Variants in STUB1 observed in about 807,000 individuals in gnomAD.
STUB1 encodes the protein STIP1 homology and U-box containing protein 1, also known as E3 ubiquitin-protein ligase CHIP.
STUB1 carries 37 observed loss-of-function variants against 40.3 expected under a neutral mutation model. The ratio of observed to expected loss-of-function variants is 0.92; its 90% CI spans 0.71 to 1.21. The LOEUF (loss-of-function observed/expected upper bound fraction) is 1.21. Ranked by LOEUF, STUB1 falls within the 50% of genes most tolerant of loss-of-function variation. The pLI, the probability that STUB1 is intolerant of heterozygous loss-of-function variation, is 0.00. For missense variants in STUB1, 460 were observed against 421.9 expected, an observed-to-expected ratio of 1.09 and a Z score of -0.79; for synonymous variants, 246 against 171.9, an observed-to-expected ratio of 1.43 and a Z score of -3.37.
chr16:681,293 G>A lies in STUB1; in HGVS notation c.301G>A (p.Gly101Arg). 1 of 1,612,922 alleles carries A rather than the reference G, an allele frequency of 6.2e-7. No individual in the cohort carries two copies. The highest frequency in any genetic ancestry group is 8.5e-7 in the Non-Finnish European group (1 of 1,179,996). ...GTCTGTGAAGGCGCACTTCTTCCTGGGGCAGTGCCAGCTGGAGATGGAGAG... is the reference window on the plus strand; with the variant it reads ...GTCTGTGAAGGCGCACTTCTTCCTGAGGCAGTGCCAGCTGGAGATGGAGAG... ...GQSVKAHFFL[G>R]QCQLEMESYD... Residue 101 changes from glycine to arginine, a missense_variant, in exon 2 of 7, where the codon GGG (glycine) becomes AGG (arginine). Transcript: ENST00000219548.
chr16:680,825 A>G lies in STUB1; in HGVS notation c.159+141A>G. 1.3e-6 allele frequency: 1 copy of G among 790,564 alleles called. No individual in the cohort carries two copies. Among genetic ancestry groups the G allele is most frequent in the Non-Finnish European group, 1.6e-6 (1 of 612,608 alleles). 49.0% of individuals were successfully genotyped at this position (790,564 alleles called of 1,614,324 possible). On this transcript the variant is annotated intron_variant, in intron 1 of 6. Coordinates refer to ENST00000219548, the MANE Select transcript of STUB1 (RefSeq NM_005861.4). The surrounding 1 kb of genome is among the most constrained non-coding windows in gnomAD (Gnocchi z 4.9). ...AAGCCCAGCCGTGGTTCTCGAGCCCAGCGCCGGGTGCCGGAGAACGAGGGT... is the reference window on the plus strand; with the variant it reads ...AAGCCCAGCCGTGGTTCTCGAGCCCGGCGCCGGGTGCCGGAGAACGAGGGT...
chr16:682,511 T>C lies in STUB1; in HGVS notation c.*22T>C, dbSNP rs914836774. On this transcript the variant is annotated 3_prime_UTR_variant, in exon 7 of 7. Coordinates refer to ENST00000219548, the MANE Select transcript of STUB1 (RefSeq NM_005861.4). ...CTGAGGTTCCCTGCCCTACCTGGCG[T>C]CCTGGTCCAGGGGAGCCCTGGGCAG... The C allele has an allele frequency of 4.6e-5, 74 of 1,612,706 alleles. No homozygotes were observed. In the East Asian group the frequency reaches 1.6e-3, roughly 34 times the overall value.
Position 682,379 on chromosome 16 carries a change from G to T in STUB1, c.802G>T (p.Asp268Tyr). 1 of 1,613,186 alleles carries T rather than the reference G, an allele frequency of 6.2e-7. No individual in the cohort carries two copies. Among genetic ancestry groups the T allele is most frequent in the South Asian group, 1.1e-5 (1 of 91,072 alleles). The change falls in exon 7 of 7, where the codon GAC becomes TAC. Residue 268 changes from aspartate (D) to tyrosine (Y), a missense_variant. Coordinates refer to ENST00000219548, the MANE Select transcript of STUB1 (RefSeq NM_005861.4). The part of the protein sequence containing the change: ...EEHLQRVGHF[D>Y]PVTRSPLTQE... ...GTCACTGCAGCGTGTGGGTCATTTTGACCCCGTGACCCGGAGCCCCCTGAC... is the reference window on the plus strand; with the variant it reads ...GTCACTGCAGCGTGTGGGTCATTTTTACCCCGTGACCCGGAGCCCCCTGAC...
chr16:681,754 G>A (rs2039663437), intron 3 of STUB1, 39 bp from the exon 4 acceptor site: 16 of 1,564,982 alleles, frequency 1.0e-5, no homozygotes, highest in African/African-American at 1.3e-5. Context: ...CAGACATCTG[G>A]CCAGGTCCAT....
chr16:682,545 G>A lies in STUB1; in HGVS notation c.*56G>A, dbSNP rs199785249. 783 of 1,607,710 alleles carry A rather than the reference G, an allele frequency of 4.9e-4. 13 individuals are homozygous for A. The South Asian group carries it at 6.5e-3, about 13-fold the overall frequency. Reference sequence around the variant, plus strand: ...AGGGGAGCCCTGGGCAGAAGCCCCCGGCCCCTATACATAGTTTATGTTCCT... The same window carrying A: ...AGGGGAGCCCTGGGCAGAAGCCCCCAGCCCCTATACATAGTTTATGTTCCT... On this transcript the variant is annotated 3_prime_UTR_variant, in exon 7 of 7. Coordinates refer to ENST00000219548, the MANE Select transcript of STUB1 (RefSeq NM_005861.4).
Position 682,617 on chromosome 16 carries a change from T to C in STUB1, c.*128T>C, listed in dbSNP as rs1195224304. 8.2e-6 allele frequency: 12 copies of C among 1,460,344 alleles called. No homozygotes were observed. In the East Asian group the frequency reaches 2.1e-4, roughly 25 times the overall value. The allele number at this position is 1,460,344 out of a possible 1,614,324, so 90.5% of individuals were successfully genotyped here. ...CAAGTTCTGCTGTTGGACTCTGGAC[T>C]GTTTCCCCTCTCAGCATCGCTTTTG... On this transcript the variant is annotated 3_prime_UTR_variant, in exon 7 of 7. Transcript: ENST00000219548.
rs774032607 is a variant in STUB1 at position 681,110 on chromosome 16, G to C, written c.160-42G>C. 3.9e-4 allele frequency: 594 copies of C among 1,526,342 alleles called. 1 individual carries two copies. The highest frequency in any genetic ancestry group is 4.7e-4 in the Non-Finnish European group (534 of 1,130,206). The allele number at this position is 1,526,342 out of a possible 1,614,324, so 94.5% of individuals were successfully genotyped here. A position where few individuals can be genotyped will look rare whatever the true frequency, so the allele number is the denominator to read the frequency against. On this transcript the variant is annotated intron_variant, in intron 1 of 6. Coordinates refer to ENST00000219548, the MANE Select transcript of STUB1 (RefSeq NM_005861.4). Reference sequence around the variant, plus strand: ...GGCCGTGGGTCAGAGTGGGCACGCTGAGCCTACGCCCTCATGCGGCTGGCC... The same window carrying C: ...GGCCGTGGGTCAGAGTGGGCACGCTCAGCCTACGCCCTCATGCGGCTGGCC...
Position 682,185 on chromosome 16 carries a change from C to A in STUB1, c.690C>A (p.Tyr230Ter), listed in dbSNP as rs1185371126. 1 of 1,609,584 alleles carries A rather than the reference C, an allele frequency of 6.2e-7. No individual in the cohort carries two copies. Among genetic ancestry groups the A allele is most frequent in the Admixed American group, 1.7e-5 (1 of 59,952 alleles). ...CACAGAAGCGAGACATCCCCGACTA[C>A]CTGTGTGGCAAGATCAGCTTTGAGC... ...EKRKKRDIPD[Y>*]LCGKISFELM... The change falls in exon 6 of 7, where the codon TAC (tyrosine) becomes TAA (stop). Residue 230 changes from tyrosine to a stop codon, truncating the protein, a stop_gained. Transcript: ENST00000219548. LOFTEE classifies it high-confidence loss of function.
chr16:681,113 C>T (rs1007315861), intron 1 of STUB1, 39 bp from the exon 2 acceptor site: 2 of 1,532,180 alleles, frequency 1.3e-6, no homozygotes, highest in Non-Finnish European at 1.8e-6. Context: ...GCACGCTGAG[C>T]CTACGCCCTC....
At position 682,469 on chromosome 16, in the gene STUB1, G is replaced by A; in HGVS notation, c.892G>A (p.Gly298Ser). The change falls in exon 7 of 7, where the codon GGC (glycine) becomes AGC (serine). Residue 298 changes from glycine to serine, a missense_variant. Gly to Ser is a moderately conservative substitution (Grantham distance 56). Transcript: ENST00000219548. ...TATTGACGCATTCATCTCTGAGAAT[G>A]GCTGGGTGGAGGACTACTGAGGTTC... ...EVIDAFISENGWVEDY is the reference protein window; with the variant it reads ...EVIDAFISENSWVEDY 6 of 1,613,404 alleles carry A rather than the reference G, an allele frequency of 3.7e-6. No homozygotes were observed. The highest frequency in any genetic ancestry group is 5.1e-6 in the Non-Finnish European group (6 of 1,180,016).
chr16:682,462 T>C lies in STUB1; in HGVS notation c.885T>C (p.Ser295=), dbSNP rs778105884. ...AGGAGGTTATTGACGCATTCATCTCTGAGAATGGCTGGGTGGAGGACTACT... is the reference window on the plus strand; with the variant it reads ...AGGAGGTTATTGACGCATTCATCTCCGAGAATGGCTGGGTGGAGGACTACT... ...AMKEVIDAFI[S]ENGWVEDY Residue 295 remains serine, a synonymous_variant, in exon 7 of 7, where the codon TCT becomes TCC. Transcript: ENST00000219548. The C allele has an allele frequency of 1.2e-6, 2 of 1,613,436 alleles. No individual in the cohort carries two copies. Among genetic ancestry groups the C allele is most frequent in the South Asian group, 1.1e-5 (1 of 91,088 alleles).
Position 680,437 on chromosome 16 carries a change from C to G in STUB1, c.-89C>G. ...AGCTGGGCCGGGCCCGAGCGGATCG[C>G]GGGCTCGGGCTGCGGGGCTCCGGCT... On this transcript the variant is annotated 5_prime_UTR_variant, in exon 1 of 7. Transcript: ENST00000219548. The surrounding 1 kb of genome is among the most constrained non-coding windows in gnomAD (Gnocchi z 4.9). 5.3e-5 allele frequency: 59 copies of G among 1,108,496 alleles called. No homozygotes were observed. The highest frequency in any genetic ancestry group is 6.6e-5 in the Non-Finnish European group (59 of 899,956). The allele number at this position is 1,108,496 out of a possible 1,614,324, so 68.7% of individuals were successfully genotyped here.
rs191288334 is a variant in STUB1 at position 681,789 on chromosome 16, C to G, written c.525-4C>G. 1.8e-5 allele frequency: 28 copies of G among 1,593,036 alleles called. No individual in the cohort carries two copies. Among genetic ancestry groups the G allele is most frequent in the Non-Finnish European group, 2.4e-5 (28 of 1,166,160 alleles). On this transcript the variant is annotated splice_polypyrimidine_tract_variant and splice_region_variant and intron_variant, in intron 3 of 6. Transcript: ENST00000219548. ...TCTCTGACCGGCTCCTGGTCAACCC[C>G]CAGGGAGCTGGAAGAGTGCCAGCGA...
Position 682,649 on chromosome 16 carries a change from C to T in STUB1, c.*160C>T, listed in dbSNP as rs1204519665. On this transcript the variant is annotated 3_prime_UTR_variant, in exon 7 of 7. Transcript: ENST00000219548. The stretch of plus-strand genomic sequence containing the variant: ...CCTCTCAGCATCGCTTTTGCTGGGC[C>T]GTGATCGTCCCCCTTTGTGGGCTGG... The T allele has an allele frequency of 1.1e-5, 16 of 1,404,214 alleles. No individual in the cohort carries two copies. The highest frequency in any genetic ancestry group is 2.7e-5 in the South Asian group (2 of 75,218). The allele number at this position is 1,404,214 out of a possible 1,614,324, so 87.0% of individuals were successfully genotyped here.
chr16:681,971 G>C (rs545121101), intron 4 of STUB1, 49 bp from the exon 5 acceptor site: 1 of 1,612,420 alleles, frequency 6.2e-7, no homozygotes, highest in Non-Finnish European at 8.5e-7. Context: ...GCCCCATGGA[G>C]GAGGGAGGTG....
rs2151507867 is a variant in STUB1, at chr16:682,664, T to C, written c.*175T>C. On this transcript the variant is annotated 3_prime_UTR_variant, in exon 7 of 7. Transcript: ENST00000219548. ...TTTGCTGGGCCGTGATCGTCCCCCT[T>C]TGTGGGCTGGAAAAGCAGGTGAGGG... 4 of 1,403,142 alleles carry C rather than the reference T, an allele frequency of 2.9e-6. No individual in the cohort carries two copies. The highest frequency in any genetic ancestry group is 2.0e-6 in the Non-Finnish European group (2 of 1,022,620). 86.9% of individuals were successfully genotyped at this position (1,403,142 alleles called of 1,614,324 possible).
At position 681,177 on chromosome 16, in the gene STUB1, A is replaced by G; in HGVS notation, c.185A>G (p.Tyr62Cys). Residue 62 changes from tyrosine to cysteine, a missense_variant, in exon 2 of 7, where the codon TAT becomes TGT. Coordinates refer to ENST00000219548, the MANE Select transcript of STUB1 (RefSeq NM_005861.4). ...ACCCGGAACCCGCTGGTGGCCGTGT[A>G]TTACACCAACCGGGCCTTGTGCTAC... The part of the protein sequence containing the change: ...AITRNPLVAV[Y>C]YTNRALCYLK... 1 of 1,580,346 alleles carries G rather than the reference A, an allele frequency of 6.3e-7. No homozygotes were observed. The highest frequency in any genetic ancestry group is 1.1e-5 in the South Asian group (1 of 87,184).
Position 681,846 on chromosome 16 carries a change from T to C in STUB1, c.578T>C (p.Val193Ala). 6.2e-7 allele frequency: 1 copy of C among 1,611,830 alleles called. No individual in the cohort carries two copies. The highest frequency in any genetic ancestry group is 8.5e-7 in the Non-Finnish European group (1 of 1,179,290). The change falls in exon 4 of 7, where the codon GTC becomes GCC. Residue 193 changes from valine to alanine, a missense_variant. Physicochemically the swap from Val to Ala is moderately conservative, Grantham distance 64 (BLOSUM62 0). Coordinates refer to ENST00000219548, the MANE Select transcript of STUB1 (RefSeq NM_005861.4). ...GAGGGTGATGAGGACGACAGCCACG[T>C]CCGGGCCCAGCAGGCCTGCATTGAG... ...NHEGDEDDSH[V>A]RAQQACIEAK...
At chr16:682,319 G>A (rs1174012333) in intron 6 of STUB1, 38 bp downstream of exon 6, 1 of 1,612,768 alleles carries the variant, frequency 6.2e-7, no homozygotes, top group Non-Finnish European at 8.5e-7. Flanking sequence ...CCAGTGGCAT[G>A]GTCCTGGGCC....
Sources: gnomAD v4.1 joint callset for allele counts on GRCh38, gnomAD v4.1.1 for gene constraint, Gnocchi (gnomAD v3.1) non-coding constraint, MANE v1.5 for transcripts, NCBI Gene and HGNC (gene_info 2026-07-23, HGNC 2026-07-21) for gene names.